The following MAST3 variants were observed in gnomAD, a reference collection of about 807,000 sequenced individuals.
MAST3 encodes microtubule-associated serine/threonine-protein kinase 3.
In MAST3, 43 loss-of-function variants were observed where a neutral mutation model predicts 127.0. That is an observed-to-expected ratio of 0.34 (90% confidence interval 0.27 to 0.44). The LOEUF (loss-of-function observed/expected upper bound fraction) is 0.44, where lower values mean the gene tolerates loss of function less well. MAST3 is among the 20% of genes least tolerant of loss of function. MAST3 has a pLI of 1.00. For missense variants in MAST3, 1,390 were observed against 1,919.1 expected (o/e 0.72, Z 5.15); for synonymous variants, 785 against 809.2 (o/e 0.97, Z 0.51).
chr19:18,143,563 G>A (rs1368181658), intron 21 of MAST3, among the ~76,000 whole-genome samples, 200 bp from the exon 22 acceptor site: 2 of 149,136 alleles, frequency 1.3e-5, no homozygotes, highest in Non-Finnish European at 1.5e-5. Context: ...GTGACAGAGT[G>A]AGACCCTGTC....
intron 27 of MAST3, among the ~76,000 whole-genome samples, chr19:18,148,428 C>CT (rs1317038733): frequency 1.3e-5 from 2 of 151,594 alleles, no homozygotes; most frequent in Non-Finnish European, 1.5e-5. Flanking sequence ...CACCACTGCA[C>CT]TCCAGCCTAG....
At chr19:18,106,745 AT>A (rs2038098057) in intron 1 of MAST3, among the ~76,000 whole-genome samples, 1 of 150,342 alleles carries the variant, frequency 6.7e-6, no homozygotes. Context: ...CTAATTTTGT[AT>A]TTTTAGTAGA....
At position 18,149,652 on chromosome 19, in the gene MAST3, A is replaced by T; in HGVS notation, c.3970A>T (p.Thr1324Ser). 6.2e-7 allele frequency: 1 copy of T among 1,613,128 alleles called. No individual in the cohort carries two copies. Among genetic ancestry groups the T allele is most frequent in the Non-Finnish European group, 8.5e-7 (1 of 1,179,844 alleles). Residue 1324 changes from threonine (T) to serine (S), a missense_variant, in exon 28 of 28, where the codon ACC becomes TCC. By Grantham distance (58) the Thr-to-Ser change is moderately conservative (BLOSUM62 1). Around this residue, in one of 5 missense-constraint regions of MAST3, gnomAD observed 816 missense variants for 934.1 expected, o/e 0.87. Coordinates refer to ENST00000687212, the MANE Select transcript of MAST3 (RefSeq NM_001393504.1). This position sits in a 1 kb window ranked among gnomAD's most constrained non-coding sequence, Gnocchi z 5.9. ...EPQEEATGLPTSVPQIAVEGE... is the reference protein window; with the variant it reads ...EPQEEATGLPSSVPQIAVEGE... ...GCAGGAGGAGGCCACTGGGCTGCCC[A>T]CCTCAGTGCCACAGATCGCCGTGGA... is the stretch of plus-strand genomic sequence containing the variant.
rs139459577 is a variant in MAST3 at position 18,142,795 on chromosome 19, G to A, written c.2339+780G>A. ...AGCTGGGACTACAGGCGTGCACCAC[G>A]GCACCCGGCTAATTTTTTAAGCAAT... is the stretch of plus-strand genomic sequence containing the variant. On this transcript the variant is annotated intron_variant, in intron 21 of 27. Coordinates refer to ENST00000687212, the MANE Select transcript of MAST3 (RefSeq NM_001393504.1). Among the ~76,000 whole-genome samples the A allele has an allele frequency of 6.6e-5, 10 of 151,180 alleles. No individual in the cohort carries two copies. The East Asian group carries it at 1.6e-3, about 24-fold the overall frequency.
intron 3 of MAST3, among the ~76,000 whole-genome samples, chr19:18,113,293 CT>C (rs950545896): frequency 5.7e-4 from 83 of 146,414 alleles, no homozygotes; most frequent in Middle Eastern, 3.4e-3. Context: ...CCCCTGCCTC[CT>C]TTTTTTTTTT....
intron 11 of MAST3, among the ~76,000 whole-genome samples, chr19:18,126,169 C>T (rs1051069333): frequency 1.1e-4 from 17 of 151,942 alleles, no homozygotes; most frequent in Non-Finnish European, 2.2e-4. Flanking sequence ...CTGCAGTGAG[C>T]TATGATCACA....
At chr19:18,123,514 C>A in intron 7 of MAST3, 66 bp from the exon 8 acceptor site, 1 of 1,465,056 alleles carries the variant, frequency 6.8e-7, no homozygotes, top group Non-Finnish European at 9.1e-7. Context: ...TGGCTCAGAT[C>A]CCCCAACATC....
intron 20 of MAST3, 73 bp from the exon 21 acceptor site, chr19:18,141,809 G>A: frequency 8.2e-7 from 1 of 1,221,954 alleles, no homozygotes; most frequent in Non-Finnish European, 1.1e-6. Flanking sequence ...TCCCAGCTGG[G>A]CCTCTGAAAG....
rs766465489 is a variant in MAST3, at chr19:18,146,998, C to G, written c.3280C>G (p.Arg1094Gly). 1.9e-6 allele frequency: 3 copies of G among 1,571,404 alleles called. No individual in the cohort carries two copies. The highest frequency in any genetic ancestry group is 2.6e-6 in the Non-Finnish European group (3 of 1,158,880). ...RMARRSKRSR[R>G]RETQDRCAAV... ...GGCACGCAGGAGCAAGAGGAGCCGT[C>G]GGCGGGAGACCCAGGATCGGTGCGC... is the stretch of plus-strand genomic sequence containing the variant. Residue 1094 changes from arginine to glycine, a missense_variant, in exon 26 of 28, where the codon CGG (arginine) becomes GGG (glycine). By Grantham distance (125) the Arg-to-Gly change is moderately radical (BLOSUM62 -2). Coordinates refer to ENST00000687212, the MANE Select transcript of MAST3 (RefSeq NM_001393504.1).
rs1243247313 is a variant in MAST3, at chr19:18,141,864, T to A, written c.2206-18T>A. On this transcript the variant is annotated intron_variant, in intron 20 of 27. Coordinates refer to ENST00000687212, the MANE Select transcript of MAST3 (RefSeq NM_001393504.1). ...AGCCACCGCACCCGGCTTACCATTC[T>A]TTTGTCTTGCCTCCCAGGTCTACAG... 11 of 1,400,996 alleles carry A rather than the reference T, an allele frequency of 7.9e-6. No individual in the cohort carries two copies. The highest frequency in any genetic ancestry group is 9.4e-6 in the Non-Finnish European group (10 of 1,061,018). 86.8% of individuals were successfully genotyped at this position (1,400,996 alleles called of 1,614,324 possible). A position where few individuals can be genotyped will look rare whatever the true frequency, so the allele number is the denominator to read the frequency against.
intron 13 of MAST3, among the ~76,000 whole-genome samples, chr19:18,129,935 AAAGG>A (rs1376530745): frequency 6.7e-5 from 10 of 148,908 alleles, no homozygotes; most frequent in African/African-American, 2.5e-4. Flanking sequence ...AAAAAAAAAA[AAAGG>A]AAAGAAAGAA....
At position 18,144,647 on chromosome 19, in the gene MAST3, G is replaced by A. The variant is rs755866152; in HGVS notation, c.2766G>A (p.Val922=). Residue 922 remains valine (V), a synonymous_variant, in exon 23 of 28, where the codon GTG becomes GTA. Coordinates refer to ENST00000687212, the MANE Select transcript of MAST3 (RefSeq NM_001393504.1). This position sits in a 1 kb window ranked among gnomAD's most constrained non-coding sequence, Gnocchi z 4.0. ...GGSGGGSGGR[V]PKSASVSALS... Reference sequence around the variant, plus strand: ...GTGGTGGCGGCAGTGGGGGCCGCGTGCCCAAGTCAGCCTCTGTCTCTGCCC... The same window carrying A: ...GTGGTGGCGGCAGTGGGGGCCGCGTACCCAAGTCAGCCTCTGTCTCTGCCC... 1.9e-6 allele frequency: 3 copies of A among 1,610,636 alleles called. No individual in the cohort carries two copies. Among genetic ancestry groups the A allele is most frequent in the Non-Finnish European group, 8.5e-7 (1 of 1,179,856 alleles).
intron 21 of MAST3, among the ~76,000 whole-genome samples, chr19:18,142,474 C>T (rs2042601166): frequency 6.6e-6 from 1 of 151,324 alleles, no homozygotes; most frequent in African/African-American, 2.4e-5. Flanking sequence ...GCCTCAGCCT[C>T]CCGAGTAGCT....
rs950754204 is a variant in MAST3, at chr19:18,129,116, C to G, written c.1223+165C>G. 4 of 646,936 alleles carry G rather than the reference C, an allele frequency of 6.2e-6. No homozygotes were observed. The African/African-American group carries it at 7.2e-5, about 12-fold the overall frequency. The allele number at this position is 646,936 out of a possible 1,614,324, so 40.1% of individuals were successfully genotyped here. A position where few individuals can be genotyped will look rare whatever the true frequency, so the allele number is the denominator to read the frequency against. On this transcript the variant is annotated intron_variant, in intron 13 of 27. Transcript: ENST00000687212. ...ACTGGAGGGGGAAGTGGAGACACGC[C>G]ATAGCGAGGTTACAGCCTCATGTGT...
At position 18,149,858 on chromosome 19, in the gene MAST3, T is replaced by C. The variant is rs1290539479; in HGVS notation, c.*132T>C. 3 of 1,328,652 alleles carry C rather than the reference T, an allele frequency of 2.3e-6. No individual in the cohort carries two copies. In the African/African-American group the frequency reaches 4.5e-5, roughly 20 times the overall value. 82.3% of individuals were successfully genotyped at this position (1,328,652 alleles called of 1,614,324 possible). On this transcript the variant is annotated 3_prime_UTR_variant, in exon 28 of 28. Transcript: ENST00000687212. The surrounding 1 kb of genome is among the most constrained non-coding windows in gnomAD (Gnocchi z 5.9). ...AGAAGGCGAGAAGCCATCTCGGTCC[T>C]TGCTGGAAGGTGGAGACATCGCTTG...
chr19:18,109,174 G>A (rs186837951), intron 2 of MAST3, among the ~76,000 whole-genome samples: 1 of 152,244 alleles, frequency 6.6e-6, no homozygotes, highest in African/African-American at 2.4e-5. Context: ...TAGAAGAACA[G>A]CATGAAGACA....
chr19:18,109,897 G>C, intron 2 of MAST3: 1 of 972,822 alleles, frequency 1.0e-6, no homozygotes, highest in Middle Eastern at 5.3e-4. Context: ...CCCAGGGCCG[G>C]GGCGAGGGCA....
chr19:18,142,131 T>C (rs1391648489), intron 21 of MAST3, 116 bp downstream of exon 21: 10 of 1,127,710 alleles, frequency 8.9e-6, no homozygotes, highest in Middle Eastern at 5.0e-4. Flanking sequence ...GGGTCAAACA[T>C]ATTGACCAGC....
At chr19:18,120,571 G>A (rs12978339) in intron 3 of MAST3, among the ~76,000 whole-genome samples, 76,854 of 152,082 alleles carry the variant, frequency 0.51, 19,685 homozygotes, top group East Asian at 0.65. Flanking sequence ...AGTTTCACTC[G>A]TGTCGCCCAG....
Sources: gnomAD v4.1 joint callset for allele counts (sites outside exome capture counted in the v4.1 genomes callset) on GRCh38, gnomAD v4.1.1 for gene constraint, gnomAD v4.1.1 regional missense constraint, Gnocchi (gnomAD v3.1) non-coding constraint, MANE v1.5 for transcripts, NCBI Gene and HGNC (gene_info 2026-07-23, HGNC 2026-07-21) for gene names.